Variants in FHIT observed in about 807,000 individuals in gnomAD.
The protein encoded by FHIT is fragile histidine triad diadenosine triphosphatase.
FHIT carries 19 observed loss-of-function variants against 17.9 expected under a neutral mutation model. That is an observed-to-expected ratio of 1.06 (90% CI 0.74 to 1.56). The LOEUF (loss-of-function observed/expected upper bound fraction) is 1.56. Ranked by LOEUF, FHIT falls within the 40% of genes most tolerant of loss-of-function variation. The probability of loss-of-function intolerance (pLI) is 0.00; values close to 1 mark genes in which losing one functional copy is unlikely to be tolerated. For synonymous variants in FHIT, 81 were observed against 69.7 expected (o/e 1.16, Z -0.81); for missense variants, 248 against 189.2 (o/e 1.31, Z -1.82).
chr3:60,869,236 T>C (rs547935247), intron 3 of FHIT, among the ~76,000 whole-genome samples: 6 of 152,316 alleles, frequency 3.9e-5, no homozygotes, highest in Admixed American at 1.3e-4. Context: ...TCATGTGTTA[T>C]TGGCTTGAAG....
At chr3:60,575,027 A>G (rs1198401650) in intron 4 of FHIT, among the ~76,000 whole-genome samples, 2 of 152,138 alleles carry the variant, frequency 1.3e-5, no homozygotes, top group Non-Finnish European at 2.9e-5. Context: ...TGATAGGCAA[A>G]AGTGGAGTAA....
chr3:60,617,995 C>T, intron 4 of FHIT: 2 of 255,028 alleles, frequency 7.8e-6, no homozygotes, highest in East Asian at 1.3e-4. Flanking sequence ...TTAGTAAATG[C>T]TGGCTGTAAC....
chr3:60,148,213 T>C lies in FHIT; in HGVS notation c.104-134061A>G, dbSNP rs1170984004. Reference sequence around the variant, plus strand: ...TGCTAAATGGCAGTTATTTCCTCAGTGTTATACATTACACATATCAATAAA... The same window carrying C: ...TGCTAAATGGCAGTTATTTCCTCAGCGTTATACATTACACATATCAATAAA... On this transcript the variant is annotated intron_variant, in intron 5 of 9. Transcript: ENST00000492590. 2.0e-5 allele frequency among the ~76,000 whole-genome samples: 3 copies of C among 152,182 alleles called. No homozygotes were observed. In the South Asian group the frequency reaches 6.2e-4, roughly 31 times the overall value.
At chr3:60,300,178 A>AT (rs960230938) in intron 5 of FHIT, among the ~76,000 whole-genome samples, 1 of 152,064 alleles carries the variant, frequency 6.6e-6, no homozygotes. Context: ...AATATTCAGG[A>AT]TTTTTTACTT....
At chr3:60,012,290 A>G (rs1700172518) in intron 6 of FHIT, among the ~76,000 whole-genome samples, 3 of 131,906 alleles carry the variant, frequency 2.3e-5, no homozygotes, top group South Asian at 5.4e-4. Context: ...TTTTTTTGAG[A>G]AAGGGTCTTA....
rs143632867 is a variant in FHIT, at chr3:61,167,543, C to T, written c.-164+33074G>A. On this transcript the variant is annotated intron_variant, in intron 2 of 9. Coordinates refer to ENST00000492590, the MANE Select transcript of FHIT (RefSeq NM_002012.4). ...ACTTGGAAGGCTGAGGCAGGAGAATCACTTGAACCTGGGAGGCAGAGGTTG... is the reference window on the plus strand; with the variant it reads ...ACTTGGAAGGCTGAGGCAGGAGAATTACTTGAACCTGGGAGGCAGAGGTTG... 1.2e-3 allele frequency among the ~76,000 whole-genome samples: 175 copies of T among 147,648 alleles called. 3 individuals carry two copies. In the East Asian group the frequency reaches 0.03, roughly 25 times the overall value.
chr3:60,749,665 T>A (rs1553716310), intron 4 of FHIT, among the ~76,000 whole-genome samples: 1 of 152,108 alleles, frequency 6.6e-6, no homozygotes. Context: ...ACATGCTGAA[T>A]AAGACACAGC....
intron 2 of FHIT, among the ~76,000 whole-genome samples, chr3:61,171,606 C>A (rs1275716050): frequency 6.6e-6 from 1 of 152,182 alleles, no homozygotes; most frequent in African/African-American, 2.4e-5. Context: ...AAAGACACCA[C>A]TATTGGCCAC....
intron 7 of FHIT, among the ~76,000 whole-genome samples, chr3:59,990,275 G>T (rs976089777): frequency 3.3e-5 from 5 of 152,040 alleles, no homozygotes; most frequent in African/African-American, 1.2e-4. Flanking sequence ...TTGGCATGAT[G>T]AGAGTGAGGG....
At chr3:60,214,223 A>G (rs1703590831) in intron 5 of FHIT, among the ~76,000 whole-genome samples, 1 of 152,172 alleles carries the variant, frequency 6.6e-6, no homozygotes, top group Non-Finnish European at 1.5e-5. Context: ...CAAACAAGCA[A>G]CAAATTGTAT....
intron 4 of FHIT, among the ~76,000 whole-genome samples, chr3:60,694,615 A>G (rs112047119): frequency 0.11 from 17,039 of 152,202 alleles, 2,062 homozygotes; most frequent in African/African-American, 0.3. Context: ...ACATGCACAC[A>G]TATGTTTATT....
intron 5 of FHIT, among the ~76,000 whole-genome samples, chr3:60,468,267 C>A (rs934318255): frequency 1.3e-5 from 2 of 152,016 alleles, no homozygotes; most frequent in African/African-American, 2.4e-5. Context: ...CTACATCTTT[C>A]GATTAGAGTT....
intron 4 of FHIT, among the ~76,000 whole-genome samples, chr3:60,576,949 T>TAC (rs57891077): frequency 0.14 from 19,753 of 146,198 alleles, 1,365 homozygotes; most frequent in African/African-American, 0.19. Context: ...TCCATTTGCA[T>TAC]ACACACACAC....
intron 5 of FHIT, among the ~76,000 whole-genome samples, chr3:60,043,081 A>G (rs1701508911): frequency 6.6e-6 from 1 of 152,176 alleles, no homozygotes. Flanking sequence ...GACTGGCTAG[A>G]GTACTAATCA....
chr3:60,700,433 T>A (rs1355110612), intron 4 of FHIT, among the ~76,000 whole-genome samples: 2 of 152,172 alleles, frequency 1.3e-5, no homozygotes, highest in African/African-American at 2.4e-5. Context: ...TATAGATGTA[T>A]TTAGTTATTA....
At chr3:59,965,590 C>T (rs985394296) in intron 7 of FHIT, among the ~76,000 whole-genome samples, 1 of 152,128 alleles carries the variant, frequency 6.6e-6, no homozygotes, top group Admixed American at 6.6e-5. Context: ...TTCCTTCCAT[C>T]CTCAACAAAG....
intron 3 of FHIT, among the ~76,000 whole-genome samples, chr3:60,919,473 A>G (rs1241296208): frequency 1.3e-5 from 2 of 152,080 alleles, no homozygotes; most frequent in Non-Finnish European, 2.9e-5. Context: ...AAAATACTCA[A>G]ATAGGGTAAT....
intron 8 of FHIT, among the ~76,000 whole-genome samples, chr3:59,869,600 G>A (rs544269697): frequency 6.8e-6 from 1 of 148,122 alleles, no homozygotes; most frequent in Admixed American, 6.8e-5. Context: ...TCCTGCCTCA[G>A]CCTCCCTAGT....
At chr3:59,971,549 C>T (rs185901295) in intron 7 of FHIT, among the ~76,000 whole-genome samples, 2 of 152,212 alleles carry the variant, frequency 1.3e-5, no homozygotes, top group Admixed American at 6.5e-5. Flanking sequence ...AGGGACTCAC[C>T]CCTTTCTGTA....
Sources: allele counts gnomAD v4.1 joint callset (sites outside exome capture counted in the v4.1 genomes callset), GRCh38; gene constraint gnomAD v4.1.1; transcripts MANE v1.5; gene names NCBI Gene and HGNC (gene_info 2026-07-23, HGNC 2026-07-21).